The following POTEC variants were observed in gnomAD, a reference collection of about 807,000 sequenced individuals.
POTEC encodes the protein POTE ankyrin domain family member C.
In POTEC, 35 loss-of-function variants were observed where a neutral mutation model predicts 62.0. That is an observed-to-expected ratio of 0.56 (90% CI 0.43 to 0.75). POTEC has a LOEUF of 0.75. Ranked by LOEUF, POTEC falls within the 30% of genes least tolerant of loss-of-function variation. The probability of loss-of-function intolerance (pLI) is 0.00; values close to 1 mark genes in which losing one functional copy is unlikely to be tolerated. For synonymous variants in POTEC, 156 were observed against 221.5 expected (o/e 0.70, Z 2.62); for missense variants, 472 against 655.9 (o/e 0.72, Z 3.06).
Position 14,538,241 on chromosome 18 carries a change from A to T in POTEC, c.530T>A (p.Leu177Gln). Residue 177 changes from leucine to glutamine, a missense_variant, in exon 2 of 11, where the codon CTA (leucine) becomes CAA (glutamine). Coordinates refer to ENST00000358970, the MANE Select transcript of POTEC (RefSeq NM_001137671.2). ...NKRDKQKRTALHLASANGNSE... is the reference protein window; with the variant it reads ...NKRDKQKRTAQHLASANGNSE... ...ATTTCCATTGGCAGAGGCCAAATGT[A>T]GAGCAGTCCTATGAGAGTGAGAAGA... The T allele has an allele frequency of 2.5e-6, 4 of 1,608,476 alleles. No individual in the cohort carries two copies. The highest frequency in any genetic ancestry group is 3.4e-6 in the Non-Finnish European group (4 of 1,177,692).
chr18:14,533,762 T>C (rs574658518), intron 4 of POTEC, among the ~76,000 whole-genome samples: 70 of 152,274 alleles, frequency 4.6e-4, no homozygotes, highest in African/African-American at 1.7e-3. Context: ...TTTTCACATA[T>C]GACAACATAT....
Position 14,509,857 on chromosome 18 carries a change from A to G in POTEC, c.*2041T>C, listed in dbSNP as rs1191581572. On this transcript the variant is annotated 3_prime_UTR_variant, in exon 11 of 11. Coordinates refer to ENST00000358970, the MANE Select transcript of POTEC (RefSeq NM_001137671.2). ...AACTGCTCTACACAAACGTGGCCAG[A>G]CTTCTTTTTTAAGCAAGTCCCCTTT... The G allele has an allele frequency of 7.0e-6, 1 of 143,304 alleles. No homozygotes were observed. The allele number at this position is 143,304 out of a possible 1,614,324, so 8.9% of individuals were successfully genotyped here. A position where few individuals can be genotyped will look rare whatever the true frequency, so the allele number is the denominator to read the frequency against.
chr18:14,532,046 T>G (rs1014507873), intron 5 of POTEC, among the ~76,000 whole-genome samples: 7 of 151,590 alleles, frequency 4.6e-5, no homozygotes, highest in Non-Finnish European at 1.0e-4. Context: ...CATATGGGAC[T>G]TTCTACTGCC....
In POTEC at chr18:14,525,460, A is replaced by G. The variant is rs1296796709; in HGVS notation, c.1127-477T>C. The stretch of plus-strand genomic sequence containing the variant: ...GGTATGGGCTCCAGACATCCCAGAG[A>G]AAAGTTAAGAAAACAAATTCCTTTA... On this transcript the variant is annotated intron_variant, in intron 6 of 10. Transcript: ENST00000358970. Among the ~76,000 whole-genome samples, 3 of 152,076 alleles carry G rather than the reference A, an allele frequency of 2.0e-5. No individual in the cohort carries two copies. The East Asian group carries it at 5.8e-4, about 30-fold the overall frequency.
rs1369659393 is a variant in POTEC, at chr18:14,508,923, A to G, written c.*2975T>C. ...GGGTATTTTTCCTTTATTATATCTG[A>G]TGACCTTGAGGATTTGATTGTGGTG... On this transcript the variant is annotated 3_prime_UTR_variant, in exon 11 of 11. Coordinates refer to ENST00000358970, the MANE Select transcript of POTEC (RefSeq NM_001137671.2). 1 of 152,086 alleles carries G rather than the reference A, an allele frequency of 6.6e-6. No homozygotes were observed. Among genetic ancestry groups the G allele is most frequent in the Non-Finnish European group, 1.5e-5 (1 of 68,014 alleles). 9.4% of individuals were successfully genotyped at this position (152,086 alleles called of 1,614,324 possible).
intron 9 of POTEC, among the ~76,000 whole-genome samples, chr18:14,519,437 C>T (rs533685794): frequency 6.6e-6 from 1 of 152,080 alleles, no homozygotes; most frequent in East Asian, 1.9e-4. Context: ...TCATGAGGGG[C>T]CGGGTGCAGT....
intron 10 of POTEC, among the ~76,000 whole-genome samples, chr18:14,512,457 T>C (rs1397350519): frequency 6.6e-6 from 1 of 152,246 alleles, no homozygotes; most frequent in East Asian, 1.9e-4. Context: ...GCTGTCCTAA[T>C]ATTTTTACAG....
At chr18:14,538,977 G>C (rs1905841944) in intron 1 of POTEC, among the ~76,000 whole-genome samples, 1 of 152,266 alleles carries the variant, frequency 6.6e-6, no homozygotes, top group East Asian at 1.9e-4. Flanking sequence ...GGCAGTTCCA[G>C]TCAGATGACT....
In POTEC at chr18:14,508,832, A is replaced by G. The variant is rs1909914937; in HGVS notation, c.*3066T>C. 6.6e-6 allele frequency: 1 copy of G among 152,398 alleles called. No individual in the cohort carries two copies. The highest frequency in any genetic ancestry group is 1.5e-5 in the Non-Finnish European group (1 of 68,068). The allele number at this position is 152,398 out of a possible 1,614,324, so 9.4% of individuals were successfully genotyped here. ...TTTTGAGTTTTCAGTGTTCTTGCACAGAGTCTTTTTCTCATCTTTATGGGC... is the reference window on the plus strand; with the variant it reads ...TTTTGAGTTTTCAGTGTTCTTGCACGGAGTCTTTTTCTCATCTTTATGGGC... On this transcript the variant is annotated 3_prime_UTR_variant, in exon 11 of 11. Transcript: ENST00000358970.
chr18:14,521,710 A>G (rs1311785377), intron 9 of POTEC, among the ~76,000 whole-genome samples: 2 of 152,208 alleles, frequency 1.3e-5, no homozygotes, highest in Non-Finnish European at 2.9e-5. Context: ...AGCAACACAC[A>G]TGGAGCTGGA....
intron 9 of POTEC, among the ~76,000 whole-genome samples, chr18:14,517,011 G>A (rs2143116062): frequency 6.6e-6 from 1 of 150,430 alleles, no homozygotes; most frequent in African/African-American, 2.5e-5. Flanking sequence ...TAGGACTTGA[G>A]CAAAAGCTTC....
intron 9 of POTEC, among the ~76,000 whole-genome samples, chr18:14,518,601 C>T (rs536576499): frequency 1.4e-5 from 2 of 139,628 alleles, no homozygotes; most frequent in East Asian, 2.0e-4. Context: ...AAGCATGACG[C>T]GTCTGGGTAG....
intron 7 of POTEC, among the ~76,000 whole-genome samples, chr18:14,524,646 G>A (rs1045038852): frequency 3.9e-5 from 6 of 151,980 alleles, no homozygotes; most frequent in Non-Finnish European, 5.9e-5. Context: ...TAAGAATACT[G>A]TAAAATAAGA....
rs545425796 is a variant in POTEC, at chr18:14,521,477, T to C, written c.1409+777A>G. 3.3e-5 allele frequency among the ~76,000 whole-genome samples: 5 copies of C among 152,298 alleles called. 1 individual carries two copies. Among genetic ancestry groups the C allele is most frequent in the African/African-American group, 1.2e-4 (5 of 41,580 alleles). On this transcript the variant is annotated intron_variant, in intron 9 of 10. Transcript: ENST00000358970. ...GGTAAGGATTTACTTTTGATAATGA[T>C]AAATTCCTATTGATAAGGATCCATC...
At position 14,508,515 on chromosome 18, in the gene POTEC, T is replaced by C. The variant is rs1018422904; in HGVS notation, c.*3383A>G. 2 of 152,646 alleles carry C rather than the reference T, an allele frequency of 1.3e-5. No individual in the cohort carries two copies. The highest frequency in any genetic ancestry group is 4.8e-5 in the African/African-American group (2 of 41,456). 9.5% of individuals were successfully genotyped at this position (152,646 alleles called of 1,614,324 possible). ...ATATTCATAATGCAATCACACACAA[T>C]CACCATGTGACTACATTATGAAAAT... On this transcript the variant is annotated 3_prime_UTR_variant, in exon 11 of 11. Transcript: ENST00000358970.
rs78913709 is a variant in POTEC at position 14,507,811 on chromosome 18, C to G, written c.*4087G>C. 68 of 152,162 alleles carry G rather than the reference C, an allele frequency of 4.5e-4. No homozygotes were observed. Among genetic ancestry groups the G allele is most frequent in the African/African-American group, 1.6e-3 (66 of 41,436 alleles). The allele number at this position is 152,162 out of a possible 1,614,324, so 9.4% of individuals were successfully genotyped here. On this transcript the variant is annotated 3_prime_UTR_variant, in exon 11 of 11. Transcript: ENST00000358970. ...CCCTCAGCATTTGCTTGTCTGAAAA[C>G]GATCTTGTTTCTCCTTCACTTATGA...
chr18:14,507,371 C>A lies in POTEC; in HGVS notation c.*4527G>T, dbSNP rs1388740419. 6.6e-6 allele frequency: 1 copy of A among 150,740 alleles called. No homozygotes were observed. Among genetic ancestry groups the A allele is most frequent in the African/African-American group, 2.4e-5 (1 of 40,940 alleles). 9.3% of individuals were successfully genotyped at this position (150,740 alleles called of 1,614,324 possible). ...TTTTTTAAATCTTTATTGGTATAGT[C>A]TGTTTTGTCAGAAACTAGGAGTGCA... On this transcript the variant is annotated 3_prime_UTR_variant, in exon 11 of 11. Transcript: ENST00000358970.
At chr18:14,539,423 C>T (rs1358801925) in intron 1 of POTEC, among the ~76,000 whole-genome samples, 1 of 142,294 alleles carries the variant, frequency 7.0e-6, no homozygotes, top group Non-Finnish European at 1.5e-5. Flanking sequence ...TTCTTTCCTT[C>T]CTCCCACCCT....
intron 9 of POTEC, among the ~76,000 whole-genome samples, chr18:14,519,130 G>C (rs1910244095): frequency 6.6e-6 from 1 of 152,096 alleles, no homozygotes; most frequent in African/African-American, 2.4e-5. Flanking sequence ...TTTACTGAGA[G>C]ATTAGATGTG....
Sources: allele counts gnomAD v4.1 joint callset (sites outside exome capture counted in the v4.1 genomes callset), GRCh38; gene constraint gnomAD v4.1.1; transcripts MANE v1.5; gene names NCBI Gene and HGNC (gene_info 2026-07-23, HGNC 2026-07-21).